TBC1D2B: variants seen among roughly 807,000 people sequenced by gnomAD.
TBC1D2B encodes the protein TBC1 domain family member 2B, also known as TBC1 domain family, member 2B.
In TBC1D2B, 64 loss-of-function variants were observed where a neutral mutation model predicts 100.8. That is an observed-to-expected ratio of 0.64 (90% confidence interval 0.52 to 0.78). TBC1D2B has a LOEUF of 0.78. Among genes scored for constraint, TBC1D2B ranks in the 30% least tolerant of loss-of-function variants. TBC1D2B has a pLI of 0.00. For missense variants in TBC1D2B, 1,052 were observed against 1,218.4 expected (o/e 0.86, Z 2.03); for synonymous variants, 480 against 479.7 (o/e 1.00, Z -0.01).
In TBC1D2B at chr15:78,012,913, G is replaced by A; in HGVS notation, c.2180C>T (p.Pro727Leu). 1 of 1,539,158 alleles carries A rather than the reference G, an allele frequency of 6.5e-7. No individual in the cohort carries two copies. The highest frequency in any genetic ancestry group is 8.8e-7 in the Non-Finnish European group (1 of 1,142,514). The change falls in exon 9 of 13, where the codon CCC becomes CTC. Residue 727 changes from proline (P) to leucine (L), a missense_variant. Around this residue, in one of 4 missense-constraint regions of TBC1D2B, gnomAD observed 373 missense variants for 464.9 expected, o/e 0.80. Transcript: ENST00000300584. ...TAACTTCTGTATGCCTTCTGAGGTGGGGCAGGAGTAATGTTTGTTGTTGGG... is the reference window on the plus strand; with the variant it reads ...TAACTTCTGTATGCCTTCTGAGGTGAGGCAGGAGTAATGTTTGTTGTTGGG... ...TLPNNKHYSC[P>L]TSEGIQKLRN...
chr15:78,004,362 C>A (rs2072010062), intron 10 of TBC1D2B, among the ~76,000 whole-genome samples: 1 of 152,232 alleles, frequency 6.6e-6, no homozygotes, highest in Non-Finnish European at 1.5e-5. Flanking sequence ...CCCCGCCAAG[C>A]ACTGAGGAGA....
At chr15:78,015,018 G>T (rs1002671803) in intron 8 of TBC1D2B, among the ~76,000 whole-genome samples, 2 of 152,088 alleles carry the variant, frequency 1.3e-5, no homozygotes, top group African/African-American at 4.8e-5. Context: ...TGGCTAACAC[G>T]GTGAAACCCT....
chr15:78,000,304 A>G (rs1248253665), intron 12 of TBC1D2B, among the ~76,000 whole-genome samples: 4 of 152,186 alleles, frequency 2.6e-5, no homozygotes, highest in East Asian at 1.9e-4. Context: ...GCGGGCACTC[A>G]CCAGAGCCAC....
intron 12 of TBC1D2B, among the ~76,000 whole-genome samples, chr15:78,000,864 C>A (rs369334949): frequency 6.6e-6 from 1 of 152,210 alleles, no homozygotes; most frequent in Non-Finnish European, 1.5e-5. Context: ...AATCTACCCC[C>A]CTTCTCCATC....
chr15:78,064,472 T>C (rs1266071459), intron 1 of TBC1D2B, among the ~76,000 whole-genome samples: 1 of 152,244 alleles, frequency 6.6e-6, no homozygotes, highest in Non-Finnish European at 1.5e-5. Flanking sequence ...TGGGTATCCA[T>C]TTCTGAAAAG....
chr15:78,036,238 T>C (rs1175172826), intron 3 of TBC1D2B, among the ~76,000 whole-genome samples: 1 of 152,200 alleles, frequency 6.6e-6, no homozygotes, highest in Non-Finnish European at 1.5e-5. Flanking sequence ...CAATGATTGA[T>C]TTTTCTTTTT....
intron 1 of TBC1D2B, among the ~76,000 whole-genome samples, chr15:78,055,435 A>G (rs747806332): frequency 2.0e-5 from 3 of 152,176 alleles, no homozygotes; most frequent in Non-Finnish European, 2.9e-5. Flanking sequence ...CCCAAGAAGA[A>G]GGAAAGCTGC....
Position 78,054,087 on chromosome 15 carries a change from G to A in TBC1D2B, c.461C>T (p.Thr154Ile). The A allele has an allele frequency of 1.2e-6, 2 of 1,613,794 alleles. No individual in the cohort carries two copies. The highest frequency in any genetic ancestry group is 1.7e-6 in the Non-Finnish European group (2 of 1,179,816). ...SLDMVKWDSR[T>I]SPTPGDFPKG... is the part of the protein sequence containing the mutation. ...AGGAAAATCCCCGGGAGTTGGAGAG[G>A]TCCTGCTGTCCCACTTGACCATGTC... The change falls in exon 2 of 13, where the codon ACC becomes ATC. Residue 154 changes from threonine (T) to isoleucine (I), a missense_variant. Around this residue, in one of 4 missense-constraint regions of TBC1D2B, gnomAD observed 627 missense variants for 646.1 expected, o/e 0.97. Coordinates refer to ENST00000300584, the MANE Select transcript of TBC1D2B (RefSeq NM_144572.2).
rs1418625752 is a variant in TBC1D2B at position 77,995,562 on chromosome 15, AATAG to A, written c.*2594_*2597del. ...CATAACATAATAACTTGTTATATAA[AATAG>A]ATATGTGGAATCTAGAAACACCTTG... On this transcript the variant is annotated 3_prime_UTR_variant, in exon 13 of 13. Coordinates refer to ENST00000300584, the MANE Select transcript of TBC1D2B (RefSeq NM_144572.2). 1.3e-5 allele frequency: 2 copies of A among 152,292 alleles called. No individual in the cohort carries two copies. Among genetic ancestry groups the A allele is most frequent in the Admixed American group, 6.5e-5 (1 of 15,270 alleles). The allele number at this position is 152,292 out of a possible 1,614,324, so 9.4% of individuals were successfully genotyped here. A position where few individuals can be genotyped will look rare whatever the true frequency, so the allele number is the denominator to read the frequency against.
At chr15:78,043,012 C>A (rs2073121331) in intron 3 of TBC1D2B, among the ~76,000 whole-genome samples, 1 of 152,176 alleles carries the variant, frequency 6.6e-6, no homozygotes, top group African/African-American at 2.4e-5. Context: ...ACAGTGATCA[C>A]CCTCACAAGT....
intron 9 of TBC1D2B, among the ~76,000 whole-genome samples, chr15:78,012,156 G>C (rs1596309151): frequency 6.6e-6 from 1 of 152,236 alleles, no homozygotes; most frequent in East Asian, 1.9e-4. Flanking sequence ...ACAGCAGTAA[G>C]CAGAAAGCGC....
At chr15:78,037,333 T>C (rs952363508) in intron 3 of TBC1D2B, among the ~76,000 whole-genome samples, 5 of 152,078 alleles carry the variant, frequency 3.3e-5, no homozygotes, top group Admixed American at 2.6e-4. Context: ...CTTTGGACAG[T>C]CCCTCTCCAT....
At chr15:77,999,693 G>A (rs979120291) in intron 12 of TBC1D2B, among the ~76,000 whole-genome samples, 5 of 152,228 alleles carry the variant, frequency 3.3e-5, no homozygotes, top group East Asian at 1.9e-4. Flanking sequence ...AACCTACGGC[G>A]CCCAACCCTC....
chr15:78,037,667 A>G (rs1179977488), intron 3 of TBC1D2B, among the ~76,000 whole-genome samples: 1 of 152,190 alleles, frequency 6.6e-6, no homozygotes, highest in Non-Finnish European at 1.5e-5. Flanking sequence ...CCAGCCAGGC[A>G]GTCCTGCAGA....
At chr15:78,008,518 C>T (rs2072131040) in intron 10 of TBC1D2B, among the ~76,000 whole-genome samples, 1 of 152,248 alleles carries the variant, frequency 6.6e-6, no homozygotes, top group Admixed American at 6.5e-5. Flanking sequence ...TGCACAGGGT[C>T]TGGGACTCTC....
chr15:78,023,462 A>G (rs2072567687), intron 6 of TBC1D2B, among the ~76,000 whole-genome samples: 1 of 152,188 alleles, frequency 6.6e-6, no homozygotes, highest in Non-Finnish European at 1.5e-5. Context: ...AAGAAGAGAA[A>G]TGCAGGCTGC....
At position 78,054,193 on chromosome 15, in the gene TBC1D2B, A is replaced by G. The variant is rs1409204842; in HGVS notation, c.361-6T>C. ...ATGAGTTGACGATTGGGAGCCTAGA[A>G]AGAGGGAGGGGAAAAACATGTTATG... On this transcript the variant is annotated splice_region_variant and splice_polypyrimidine_tract_variant and intron_variant, in intron 1 of 12. Coordinates refer to ENST00000300584, the MANE Select transcript of TBC1D2B (RefSeq NM_144572.2). 3 of 1,609,688 alleles carry G rather than the reference A, an allele frequency of 1.9e-6. No homozygotes were observed. In the East Asian group the frequency reaches 6.7e-5, roughly 36 times the overall value.
chr15:78,024,371 T>C lies in TBC1D2B; in HGVS notation c.1255A>G (p.Lys419Glu). ...TSQLERFSLE[K>E]ESLQQEVRTL... ...CTTACTTCCTGCTGAAGACTCTCCT[T>C]CTCCAAGCTGAACCTCTCCAGCTGG... The change falls in exon 6 of 13, where the codon AAG becomes GAG. Residue 419 changes from lysine to glutamate, a missense_variant. Lys to Glu is a moderately conservative substitution (Grantham distance 56). Coordinates refer to ENST00000300584, the MANE Select transcript of TBC1D2B (RefSeq NM_144572.2). The C allele has an allele frequency of 6.2e-7, 1 of 1,614,008 alleles. No homozygotes were observed.
intron 1 of TBC1D2B, among the ~76,000 whole-genome samples, chr15:78,072,951 G>A (rs1030560928): frequency 1.3e-5 from 2 of 152,132 alleles, no homozygotes; most frequent in African/African-American, 4.8e-5. Context: ...GCAGTAAAAT[G>A]TTCCCTTGTG....
Sources: gnomAD v4.1 joint callset for allele counts (sites outside exome capture counted in the v4.1 genomes callset) on GRCh38, gnomAD v4.1.1 for gene constraint, gnomAD v4.1.1 regional missense constraint, MANE v1.5 for transcripts, NCBI Gene and HGNC (gene_info 2026-07-23, HGNC 2026-07-21) for gene names.